FAT3: variants seen among roughly 807,000 people sequenced by gnomAD.
FAT3 encodes the protein FAT atypical cadherin 3.
In FAT3, 95 loss-of-function variants were observed where a neutral mutation model predicts 310.2. The ratio of observed to expected loss-of-function variants is 0.31; its 90% confidence interval spans 0.26 to 0.36. The LOEUF (loss-of-function observed/expected upper bound fraction) is 0.36, where lower values mean the gene tolerates loss of function less well. Among genes scored for constraint, FAT3 ranks in the 10% least tolerant of loss-of-function variants. The probability of loss-of-function intolerance (pLI) is 1.00; values close to 1 mark genes in which losing one functional copy is unlikely to be tolerated. For missense variants in FAT3, 5,408 were observed against 5,715.6 expected (o/e 0.95, Z 1.74); for synonymous variants, 2,314 against 2,192.9 (o/e 1.06, Z -1.54).
intron 1 of FAT3, among the ~76,000 whole-genome samples, chr11:92,246,816 G>A (rs544247496): frequency 6.6e-6 from 1 of 152,000 alleles, no homozygotes; most frequent in East Asian, 1.9e-4. Flanking sequence ...CAGCAACCTG[G>A]GTACTACAGA....
At chr11:92,482,332 T>G (rs932295601) in intron 2 of FAT3, among the ~76,000 whole-genome samples, 1 of 152,188 alleles carries the variant, frequency 6.6e-6, no homozygotes, top group African/African-American at 2.4e-5. Context: ...CAGTAGCCAT[T>G]GGTAACTCTT....
At chr11:92,270,024 T>A (rs1195962560) in intron 1 of FAT3, among the ~76,000 whole-genome samples, 1 of 152,170 alleles carries the variant, frequency 6.6e-6, no homozygotes, top group East Asian at 1.9e-4. Context: ...GTCTGCTTAC[T>A]GTTTTGGCTG....
chr11:92,589,937 C>A (rs142341778), intron 3 of FAT3, among the ~76,000 whole-genome samples: 1 of 152,172 alleles, frequency 6.6e-6, no homozygotes, highest in East Asian at 1.9e-4. Context: ...AAATGGATGT[C>A]CAGATGCTCA....
intron 4 of FAT3, among the ~76,000 whole-genome samples, chr11:92,740,974 T>G (rs1945490584): frequency 6.6e-6 from 1 of 152,174 alleles, no homozygotes; most frequent in Non-Finnish European, 1.5e-5. Context: ...CCTTTACTTA[T>G]CCTGCCCTAG....
intron 3 of FAT3, among the ~76,000 whole-genome samples, chr11:92,608,743 A>ATAATAATAATAATAATAATAATAC (rs1284011450): frequency 6.6e-6 from 1 of 151,198 alleles, no homozygotes; most frequent in East Asian, 1.9e-4. Context: ...AATAATAATA[A>ATAATAATAATAATAATAATAATAC]TACTCCTCAC....
chr11:92,372,207 T>C (rs982602251), intron 2 of FAT3, among the ~76,000 whole-genome samples: 2 of 152,192 alleles, frequency 1.3e-5, no homozygotes, highest in South Asian at 2.1e-4. Context: ...CTAGTACTTC[T>C]GTGGGTACCA....
rs1160240314 is a variant in FAT3, at chr11:92,745,602, T to C, written c.3670-16254T>C. 4.3e-5 allele frequency among the ~76,000 whole-genome samples: 6 copies of C among 138,468 alleles called. No individual in the cohort carries two copies. The East Asian group carries it at 8.2e-4, about 19-fold the overall frequency. The allele number at this position is 138,468 out of a possible 152,430, so 90.8% of individuals were successfully genotyped here. ...GCAGGGAAAAAAAAAAAAAAAAAGCTTTAAGAGATGTCAGGATGGGAAATA... is the reference window on the plus strand; with the variant it reads ...GCAGGGAAAAAAAAAAAAAAAAAGCCTTAAGAGATGTCAGGATGGGAAATA... On this transcript the variant is annotated intron_variant, in intron 4 of 27. Transcript: ENST00000525166.
chr11:92,515,505 T>C (rs1220824358), intron 2 of FAT3, among the ~76,000 whole-genome samples: 4 of 152,120 alleles, frequency 2.6e-5, no homozygotes, highest in Admixed American at 1.3e-4. Flanking sequence ...TCTTTGGATA[T>C]GATACTGTAT....
intron 13 of FAT3, among the ~76,000 whole-genome samples, chr11:92,811,633 C>T (rs11020064): frequency 1.1e-3 from 167 of 152,186 alleles, no homozygotes; most frequent in Non-Finnish European, 1.7e-3. Flanking sequence ...AGGCATTTAA[C>T]AGGGCAGAGA....
chr11:92,768,621 C>T (rs1176533266), intron 6 of FAT3, among the ~76,000 whole-genome samples: 2 of 152,206 alleles, frequency 1.3e-5, no homozygotes, highest in Admixed American at 1.3e-4. Context: ...ACTCTCATCT[C>T]TCTGTTCCCT....
intron 3 of FAT3, among the ~76,000 whole-genome samples, chr11:92,558,124 A>G (rs960217117): frequency 2.0e-5 from 3 of 152,210 alleles, no homozygotes; most frequent in South Asian, 4.1e-4. Flanking sequence ...CTTGCCAGGC[A>G]TGCAAAAGAC....
At position 92,315,510 on chromosome 11, in the gene FAT3, T is replaced by TAGACAG. The variant is rs1197551111; in HGVS notation, c.-17-36585_-17-36584insGACAGA. 2.6e-4 allele frequency among the ~76,000 whole-genome samples: 20 copies of TAGACAG among 78,158 alleles called. 1 individual carries two copies. Among genetic ancestry groups the TAGACAG allele is most frequent in the Admixed American group, 7.6e-4 (5 of 6,600 alleles). The allele number at this position is 78,158 out of a possible 152,430, so 51.3% of individuals were successfully genotyped here. ...ATATATATATATATATATATATATATATAGAGAGAGAGAGAGAGAGAGAGA... is the reference window on the plus strand; with the variant it reads ...ATATATATATATATATATATATATATAGACAGATAGAGAGAGAGAGAGAGAGAGAGA... On this transcript the variant is annotated intron_variant, in intron 1 of 27. Transcript: ENST00000525166.
chr11:92,274,103 A>G (rs1052625862), intron 1 of FAT3, among the ~76,000 whole-genome samples: 2 of 152,096 alleles, frequency 1.3e-5, no homozygotes, highest in Non-Finnish European at 2.9e-5. Flanking sequence ...AACTTTCATT[A>G]TTACTTTAAT....
At chr11:92,341,492 T>C (rs1021124861) in intron 1 of FAT3, among the ~76,000 whole-genome samples, 1 of 152,236 alleles carries the variant, frequency 6.6e-6, no homozygotes. Flanking sequence ...GGAACAAGAT[T>C]TGCATTTTGC....
intron 3 of FAT3, among the ~76,000 whole-genome samples, chr11:92,576,871 A>G (rs1017459247): frequency 9.3e-5 from 14 of 150,204 alleles, no homozygotes; most frequent in African/African-American, 3.4e-4. Context: ...ATATCAATGT[A>G]TAATCACATA....
chr11:92,471,084 C>T (rs968428687), intron 2 of FAT3, among the ~76,000 whole-genome samples: 1 of 152,016 alleles, frequency 6.6e-6, no homozygotes, highest in Non-Finnish European at 1.5e-5. Context: ...ATGTCCATCC[C>T]TTTGTGTTGG....
intron 13 of FAT3, among the ~76,000 whole-genome samples, chr11:92,821,003 T>C (rs1947954079): frequency 6.6e-6 from 1 of 152,186 alleles, no homozygotes; most frequent in African/African-American, 2.4e-5. Context: ...TGCATCTGTG[T>C]TGGGAGCACA....
At chr11:92,754,009 A>C (rs928790130) in intron 4 of FAT3, among the ~76,000 whole-genome samples, 2 of 151,910 alleles carry the variant, frequency 1.3e-5, no homozygotes, top group Admixed American at 6.6e-5. Flanking sequence ...AGGAGGGATA[A>C]AATACTACAA....
At chr11:92,338,933 A>G (rs1948166961) in intron 1 of FAT3, among the ~76,000 whole-genome samples, 1 of 152,128 alleles carries the variant, frequency 6.6e-6, no homozygotes, top group Non-Finnish European at 1.5e-5. Flanking sequence ...CTCCAGTGGA[A>G]GGGAACCCAG....
Sources: gnomAD v4.1 joint callset for allele counts (sites outside exome capture counted in the v4.1 genomes callset) on GRCh38, gnomAD v4.1.1 for gene constraint, MANE v1.5 for transcripts, NCBI Gene and HGNC (gene_info 2026-07-23, HGNC 2026-07-21) for gene names.